SOX5: variants seen among roughly 807,000 people sequenced by gnomAD.
SOX5 encodes SRY-box transcription factor 5.
A neutral mutation model predicts 92.0 loss-of-function variants in SOX5; 9 were observed. The ratio of observed to expected loss-of-function variants is 0.10; its 90% confidence interval spans 0.06 to 0.17. The LOEUF (loss-of-function observed/expected upper bound fraction) is 0.17. Among genes scored for constraint, SOX5 ranks in the 10% least tolerant of loss-of-function variants. The pLI, the probability that SOX5 is intolerant of heterozygous loss-of-function variation, is 1.00. For synonymous variants in SOX5, 344 were observed against 336.3 expected, an observed-to-expected ratio of 1.02 and a Z score of -0.25; for missense variants, 642 against 944.5, an observed-to-expected ratio of 0.68 and a Z score of 4.20.
intron 2 of SOX5, among the ~76,000 whole-genome samples, chr12:24,364,268 G>GA (rs1955908145): frequency 6.6e-6 from 1 of 151,700 alleles, no homozygotes; most frequent in Admixed American, 6.6e-5. Context: ...TTAATAATAG[G>GA]AAATGTTTTT....
chr12:24,554,435 C>G (rs1186444085), intron 1 of SOX5, among the ~76,000 whole-genome samples: 2 of 152,160 alleles, frequency 1.3e-5, no homozygotes, highest in Non-Finnish European at 2.9e-5. Flanking sequence ...CCCGTGCTCA[C>G]TCTTCAGGAA....
At chr12:24,016,935 T>C (rs761890484) in intron 4 of SOX5, among the ~76,000 whole-genome samples, 18 of 152,166 alleles carry the variant, frequency 1.2e-4, no homozygotes, top group Admixed American at 3.3e-4. Context: ...TACTTTTCAG[T>C]TTTATGTAAA....
intron 4 of SOX5, among the ~76,000 whole-genome samples, chr12:24,208,931 T>C (rs1958301246): frequency 6.6e-6 from 1 of 152,170 alleles, no homozygotes. Context: ...CGGTTATTGA[T>C]GATCTTAGCA....
intron 4 of SOX5, among the ~76,000 whole-genome samples, chr12:24,200,886 G>T (rs565896117): frequency 6.6e-6 from 1 of 152,208 alleles, no homozygotes; most frequent in South Asian, 2.1e-4. Context: ...TTGCCCTTAT[G>T]CTCAAAATGC....
intron 6 of SOX5, among the ~76,000 whole-genome samples, chr12:23,686,389 G>A (rs558643353): frequency 1.3e-5 from 2 of 152,200 alleles, no homozygotes; most frequent in South Asian, 2.1e-4. Flanking sequence ...GCTTAAGAAG[G>A]GAAATGTGAA....
Position 23,611,792 on chromosome 12 carries a change from A to G in SOX5, c.1018-7259T>C, listed in dbSNP as rs145693111. Reference sequence around the variant, plus strand: ...TCTACCTTATTGTGAAGACAGTGCAAAGTATGTTATGTCCACCATCCTCTC... The same window carrying G: ...TCTACCTTATTGTGAAGACAGTGCAGAGTATGTTATGTCCACCATCCTCTC... On this transcript the variant is annotated intron_variant, in intron 8 of 14. Coordinates refer to ENST00000451604, the MANE Select transcript of SOX5 (RefSeq NM_006940.6). 5.4e-3 allele frequency among the ~76,000 whole-genome samples: 827 copies of G among 152,112 alleles called. 9 individuals carry two copies. Among genetic ancestry groups the G allele is most frequent in the African/African-American group, 0.019 (773 of 41,520 alleles).
intron 6 of SOX5, among the ~76,000 whole-genome samples, chr12:23,700,072 T>G (rs896913162): frequency 2.0e-5 from 3 of 152,176 alleles, no homozygotes; most frequent in Admixed American, 6.5e-5. Context: ...CTCTCTCTGC[T>G]GTCAAATTAT....
chr12:24,198,777 G>T (rs1432732440), intron 4 of SOX5, among the ~76,000 whole-genome samples: 1 of 152,188 alleles, frequency 6.6e-6, no homozygotes, highest in Non-Finnish European at 1.5e-5. Context: ...CCAGGAAAAA[G>T]TGACCTTACA....
intron 3 of SOX5, among the ~76,000 whole-genome samples, chr12:24,248,851 G>T (rs1276914880): frequency 1.3e-5 from 2 of 152,092 alleles, no homozygotes; most frequent in African/African-American, 4.8e-5. Context: ...TTTGTTCTAG[G>T]TGAGTGTTGT....
intron 3 of SOX5, among the ~76,000 whole-genome samples, chr12:23,780,181 A>G (rs2095245742): frequency 6.6e-6 from 1 of 151,980 alleles, no homozygotes; most frequent in African/African-American, 2.4e-5. Context: ...ATGTCTAATA[A>G]ACTACATTCT....
At chr12:24,452,277 C>A (rs563731331) in intron 1 of SOX5, among the ~76,000 whole-genome samples, 1 of 152,108 alleles carries the variant, frequency 6.6e-6, no homozygotes, top group Non-Finnish European at 1.5e-5. Context: ...GAGTAGCTTG[C>A]GTAAAGCAAT....
At chr12:23,728,328 G>A (rs10842219) in intron 6 of SOX5, among the ~76,000 whole-genome samples, 4,481 of 152,202 alleles carry the variant, frequency 0.029, 244 homozygotes, top group African/African-American at 0.1. Context: ...TTCTCAGGTT[G>A]AAATGCTACC....
chr12:23,768,374 C>T (rs2141467305), intron 3 of SOX5, among the ~76,000 whole-genome samples: 1 of 152,176 alleles, frequency 6.6e-6, no homozygotes, highest in East Asian at 1.9e-4. Flanking sequence ...AAAAAACACC[C>T]AGGAACCTGC....
intron 10 of SOX5, among the ~76,000 whole-genome samples, chr12:23,567,331 A>C (rs1051369590): frequency 3.0e-4 from 45 of 152,314 alleles, no homozygotes; most frequent in African/African-American, 1.1e-3. Context: ...TAAGAGGAAA[A>C]TGAGATGGCA....
intron 6 of SOX5, among the ~76,000 whole-genome samples, chr12:23,715,906 C>T (rs1184760612): frequency 6.7e-6 from 1 of 148,280 alleles, no homozygotes; most frequent in Non-Finnish European, 1.5e-5. Context: ...ATTATCCAAA[C>T]ATGACTATCA....
chr12:23,953,900 T>C (rs1475406768), upstream of SOX5, among the ~76,000 whole-genome samples: 2 of 152,030 alleles, frequency 1.3e-5, no homozygotes, highest in East Asian at 3.8e-4. Context: ...AGTATGCTTT[T>C]GAGCTCATGT....
At chr12:24,174,755 G>T (rs1254052461) in intron 4 of SOX5, among the ~76,000 whole-genome samples, 1 of 152,092 alleles carries the variant, frequency 6.6e-6, no homozygotes, top group Non-Finnish European at 1.5e-5. Context: ...AGGAGGCAAA[G>T]GTTGCAGTGA....
chr12:24,047,125 CAGT>C (rs1469310249), intron 4 of SOX5, among the ~76,000 whole-genome samples: 1 of 152,098 alleles, frequency 6.6e-6, no homozygotes, highest in Non-Finnish European at 1.5e-5. Flanking sequence ...TTCAAAGAGA[CAGT>C]AGGGTGACAA....
intron 11 of SOX5, among the ~76,000 whole-genome samples, chr12:23,547,210 G>A (rs1461164432): frequency 6.6e-6 from 1 of 152,028 alleles, no homozygotes; most frequent in African/African-American, 2.4e-5. Context: ...GTCAAATTAA[G>A]AAACTGGGTG....
Sources: gnomAD v4.1 joint callset for allele counts (sites outside exome capture counted in the v4.1 genomes callset) on GRCh38, gnomAD v4.1.1 for gene constraint, MANE v1.5 for transcripts, NCBI Gene and HGNC (gene_info 2026-07-23, HGNC 2026-07-21) for gene names.